Variants in SLCO1B1 observed in about 807,000 individuals in gnomAD.
The protein encoded by SLCO1B1 is solute carrier organic anion transporter family member 1B1.
In SLCO1B1, 81 loss-of-function variants were observed where a neutral mutation model predicts 70.1. That is an observed-to-expected ratio of 1.16 (90% CI 0.97 to 1.39). The LOEUF (loss-of-function observed/expected upper bound fraction) is 1.39, where lower values mean the gene tolerates loss of function less well. SLCO1B1 is among the 40% of genes most tolerant of loss of function. SLCO1B1 has a pLI of 0.00. For missense variants in SLCO1B1, 895 were observed against 799.6 expected, an observed-to-expected ratio of 1.12 and a Z score of -1.44; for synonymous variants, 283 against 271.5, an observed-to-expected ratio of 1.04 and a Z score of -0.42.
chr12:21,220,300 C>T lies in SLCO1B1; in HGVS notation c.1683-2000C>T, dbSNP rs1371609620. On this transcript the variant is annotated intron_variant, in intron 12 of 14. Coordinates refer to ENST00000256958, the MANE Select transcript of SLCO1B1 (RefSeq NM_006446.5). The stretch of plus-strand genomic sequence containing the variant: ...TCAATATCTAGCAATGTCATATATG[C>T]AATCCAACAGGAGAAACCTTGATGC... 7.9e-5 allele frequency among the ~76,000 whole-genome samples: 12 copies of T among 152,222 alleles called. No individual in the cohort carries two copies. In the East Asian group the frequency reaches 2.1e-3, roughly 27 times the overall value.
chr12:21,160,577 G>A (rs1940605810), intron 2 of SLCO1B1, among the ~76,000 whole-genome samples: 1 of 151,758 alleles, frequency 6.6e-6, no homozygotes, highest in South Asian at 2.1e-4. Flanking sequence ...GACAACCTAG[G>A]CAATATCATC....
At position 21,161,651 on chromosome 12, in the gene SLCO1B1, G is replaced by A. The variant is rs549901327; in HGVS notation, c.85-10999G>A. ...TTACCTGTACAATAAACCTTCACAT[G>A]TACCTCTGAACATAAAAGTTAGAAA... On this transcript the variant is annotated intron_variant, in intron 2 of 14. Transcript: ENST00000256958. Among the ~76,000 whole-genome samples, 32 of 152,038 alleles carry A rather than the reference G, an allele frequency of 2.1e-4. No individual in the cohort carries two copies. In the South Asian group the frequency reaches 5.2e-3, roughly 25 times the overall value.
In SLCO1B1 at chr12:21,180,015, A is replaced by G. The variant is rs1940874497; in HGVS notation, c.727+995A>G. Among the ~76,000 whole-genome samples the G allele has an allele frequency of 3.3e-5, 5 of 152,156 alleles. No individual in the cohort carries two copies. The South Asian group carries it at 1.0e-3, about 31-fold the overall frequency. ...AATCTGCTTCTGTTATTAGTGAAAC[A>G]CAATCAATTTCTACCTACTTTACTA... On this transcript the variant is annotated intron_variant, in intron 7 of 14. Coordinates refer to ENST00000256958, the MANE Select transcript of SLCO1B1 (RefSeq NM_006446.5).
At chr12:21,196,728 A>T (rs1259244581) in intron 7 of SLCO1B1, among the ~76,000 whole-genome samples, 1 of 152,188 alleles carries the variant, frequency 6.6e-6, no homozygotes, top group Non-Finnish European at 1.5e-5. Flanking sequence ...AGCTCAGGCA[A>T]TGACAACAAT....
At chr12:21,227,093 G>C (rs778508733) in intron 14 of SLCO1B1, among the ~76,000 whole-genome samples, 2 of 151,960 alleles carry the variant, frequency 1.3e-5, no homozygotes, top group Non-Finnish European at 2.9e-5. Context: ...TTATCCTACA[G>C]ATAACTATAC....
intron 2 of SLCO1B1, among the ~76,000 whole-genome samples, chr12:21,144,264 T>C (rs1054180976): frequency 6.6e-6 from 1 of 152,034 alleles, no homozygotes; most frequent in Non-Finnish European, 1.5e-5. Context: ...ACTACAGGAA[T>C]TTCATAATAC....
At chr12:21,229,628 G>A (rs905618494) in intron 14 of SLCO1B1, among the ~76,000 whole-genome samples, 5 of 152,066 alleles carry the variant, frequency 3.3e-5, no homozygotes, top group Non-Finnish European at 5.9e-5. Flanking sequence ...TTCACCTACT[G>A]AGGGCATCTT....
At chr12:21,184,617 G>A (rs914180619) in intron 7 of SLCO1B1, among the ~76,000 whole-genome samples, 5 of 152,142 alleles carry the variant, frequency 3.3e-5, no homozygotes, top group African/African-American at 1.2e-4. Flanking sequence ...CTAGAAGAGT[G>A]CTAAACATGG....
chr12:21,174,496 A>G lies in SLCO1B1; in HGVS notation c.227-81A>G, dbSNP rs1050777906. ...GGGAAGGCACTATGTCTTGGACTCT[A>G]TTTGCATCCATTCTGGGGTTTTCAA... On this transcript the variant is annotated intron_variant, in intron 3 of 14. Coordinates refer to ENST00000256958, the MANE Select transcript of SLCO1B1 (RefSeq NM_006446.5). 4 of 1,378,750 alleles carry G rather than the reference A, an allele frequency of 2.9e-6. No individual in the cohort carries two copies. The African/African-American group carries it at 4.3e-5, about 15-fold the overall frequency. The allele number at this position is 1,378,750 out of a possible 1,614,324, so 85.4% of individuals were successfully genotyped here. A position where few individuals can be genotyped will look rare whatever the true frequency, so the allele number is the denominator to read the frequency against.
rs187841306 is a variant in SLCO1B1, at chr12:21,181,797, A to C, written c.727+2777A>C. 3.9e-4 allele frequency among the ~76,000 whole-genome samples: 60 copies of C among 152,202 alleles called. No homozygotes were observed. The East Asian group carries it at 9.3e-3, about 23-fold the overall frequency. On this transcript the variant is annotated intron_variant, in intron 7 of 14. Coordinates refer to ENST00000256958, the MANE Select transcript of SLCO1B1 (RefSeq NM_006446.5). ...CTTTTTTCAATAAATATATTGAAAA[A>C]ATTTGGGGAGATTTGTGAAAATTTG...
At chr12:21,132,616 T>C (rs1377290584) in intron 1 of SLCO1B1, among the ~76,000 whole-genome samples, 1 of 152,250 alleles carries the variant, frequency 6.6e-6, no homozygotes, top group East Asian at 1.9e-4. Flanking sequence ...ACGTGTTTTT[T>C]GGCTGCATAA....
chr12:21,141,595 G>C lies in SLCO1B1; in HGVS notation c.21G>C (p.Leu7Phe). 2 of 1,607,834 alleles carry C rather than the reference G, an allele frequency of 1.2e-6. No individual in the cohort carries two copies. The highest frequency in any genetic ancestry group is 8.5e-7 in the Non-Finnish European group (1 of 1,175,548). ...CAATCATGGACCAAAATCAACATTT[G>C]AATAAAACAGCAGAGGCACAACCTT... MDQNQH[L>F]NKTAEAQPSE... is the part of the protein sequence containing the mutation. Residue 7 changes from leucine to phenylalanine, a missense_variant, in exon 2 of 15, where the codon TTG becomes TTC. Coordinates refer to ENST00000256958, the MANE Select transcript of SLCO1B1 (RefSeq NM_006446.5).
intron 2 of SLCO1B1, among the ~76,000 whole-genome samples, chr12:21,164,622 T>G (rs1940662824): frequency 6.6e-6 from 1 of 152,178 alleles, no homozygotes; most frequent in South Asian, 2.1e-4. Context: ...GTTGAACATA[T>G]TTCTATCCTT....
chr12:21,210,977 T>C (rs1217250092), intron 11 of SLCO1B1, among the ~76,000 whole-genome samples: 1 of 152,100 alleles, frequency 6.6e-6, no homozygotes, highest in Non-Finnish European at 1.5e-5. Flanking sequence ...CAATGGGGTT[T>C]TCTAGATATA....
At chr12:21,141,422 GTTGA>G (rs1300723393) in intron 1 of SLCO1B1, 88 bp from the exon 2 acceptor site, 2 of 532,064 alleles carry the variant, frequency 3.8e-6, no homozygotes, top group Non-Finnish European at 6.9e-6. Flanking sequence ...TTAGTGAATG[GTTGA>G]TTGATTGATG....
intron 1 of SLCO1B1, among the ~76,000 whole-genome samples, chr12:21,134,405 T>C (rs559077529): frequency 1.3e-5 from 2 of 152,134 alleles, no homozygotes; most frequent in South Asian, 4.1e-4. Flanking sequence ...TTCAGAAGTA[T>C]TGGTACCAGT....
At chr12:21,158,112 GT>G (rs1283237622) in intron 2 of SLCO1B1, among the ~76,000 whole-genome samples, 1 of 152,136 alleles carries the variant, frequency 6.6e-6, no homozygotes, top group Non-Finnish European at 1.5e-5. Context: ...AAGATAATAT[GT>G]GAAAATAAGA....
intron 7 of SLCO1B1, among the ~76,000 whole-genome samples, chr12:21,181,394 T>C (rs1415105059): frequency 6.6e-6 from 1 of 152,164 alleles, no homozygotes; most frequent in African/African-American, 2.4e-5. Context: ...ACTTTGCATG[T>C]AGATGGAGTC....
intron 14 of SLCO1B1, among the ~76,000 whole-genome samples, chr12:21,225,573 G>GA (rs949061066): frequency 6.6e-5 from 10 of 151,690 alleles, no homozygotes; most frequent in Admixed American, 6.6e-4. Flanking sequence ...AACCATAATA[G>GA]AAAAAAAGAC....
Sources: gnomAD v4.1 joint callset for allele counts (sites outside exome capture counted in the v4.1 genomes callset) on GRCh38, gnomAD v4.1.1 for gene constraint, MANE v1.5 for transcripts, NCBI Gene and HGNC (gene_info 2026-07-23, HGNC 2026-07-21) for gene names.